Variants in EPHA5 observed in about 807,000 individuals in gnomAD.
EPHA5 encodes the protein ephrin type-A receptor 5.
In EPHA5, 60 loss-of-function variants were observed where a neutral mutation model predicts 105.0. That is an observed-to-expected ratio of 0.57 (90% CI 0.46 to 0.71). The LOEUF is 0.71. Among genes scored for constraint, EPHA5 ranks in the 30% least tolerant of loss-of-function variants. The pLI, the probability that EPHA5 is intolerant of heterozygous loss-of-function variation, is 0.00. For missense variants in EPHA5, 1,218 were observed against 1,274.7 expected, an observed-to-expected ratio of 0.96 and a Z score of 0.68; for synonymous variants, 513 against 449.1, an observed-to-expected ratio of 1.14 and a Z score of -1.80.
chr4:65,491,131 T>C (rs949832837), intron 4 of EPHA5, among the ~76,000 whole-genome samples: 1 of 150,380 alleles, frequency 6.6e-6, no homozygotes, highest in Non-Finnish European at 1.5e-5. Flanking sequence ...GAAACAAGCA[T>C]AGGAAAATAC....
chr4:65,342,650 A>G (rs1206562971), intron 14 of EPHA5, among the ~76,000 whole-genome samples: 1 of 151,840 alleles, frequency 6.6e-6, no homozygotes, highest in African/African-American at 2.4e-5. Context: ...CATATAAGGA[A>G]TATATGTTTA....
intron 3 of EPHA5, among the ~76,000 whole-genome samples, chr4:65,576,564 A>G (rs1467999796): frequency 1.3e-5 from 2 of 152,178 alleles, no homozygotes; most frequent in Non-Finnish European, 2.9e-5. Flanking sequence ...ACTTTAGAGA[A>G]CTTTAGAATG....
At chr4:65,360,971 G>C (rs963302897) in intron 11 of EPHA5, among the ~76,000 whole-genome samples, 1 of 151,622 alleles carries the variant, frequency 6.6e-6, no homozygotes, top group Non-Finnish European at 1.5e-5. Context: ...TAGCATGACA[G>C]AGTATACAGA....
chr4:65,450,154 A>G (rs1334061546), intron 5 of EPHA5, among the ~76,000 whole-genome samples: 2 of 152,200 alleles, frequency 1.3e-5, no homozygotes, highest in African/African-American at 2.4e-5. Context: ...ACTGAAACAC[A>G]TATGCAAACA....
intron 3 of EPHA5, among the ~76,000 whole-genome samples, chr4:65,514,591 C>T (rs981859347): frequency 4.6e-5 from 7 of 152,140 alleles, no homozygotes; most frequent in African/African-American, 1.4e-4. Flanking sequence ...CAGAAATGAG[C>T]TTTTCAATCT....
intron 3 of EPHA5, among the ~76,000 whole-genome samples, chr4:65,518,395 T>G (rs1017716743): frequency 6.6e-6 from 1 of 151,684 alleles, no homozygotes; most frequent in African/African-American, 2.4e-5. Context: ...TTTTGTTTGT[T>G]TGTAAATACA....
chr4:65,642,029 G>A (rs1349854703), intron 2 of EPHA5, among the ~76,000 whole-genome samples: 4 of 152,134 alleles, frequency 2.6e-5, no homozygotes, highest in African/African-American at 9.6e-5. Flanking sequence ...TCATAGATAT[G>A]CTCTTCCAAG....
rs1227119598 is a variant in EPHA5, at chr4:65,669,924, T to C, written c.-182A>G. 7.4e-6 allele frequency: 7 copies of C among 943,574 alleles called. No homozygotes were observed. Among genetic ancestry groups the C allele is most frequent in the Non-Finnish European group, 9.6e-6 (7 of 725,560 alleles). The allele number at this position is 943,574 out of a possible 1,614,324, so 58.5% of individuals were successfully genotyped here. On this transcript the variant is annotated 5_prime_UTR_variant, in exon 1 of 17. Transcript: ENST00000613740. The stretch of plus-strand genomic sequence containing the variant: ...TCCGGCTGAGACAGCTGAAGTTTGC[T>C]TCTGGCTCCTCTCGCCTCCCCCTTT...
intron 3 of EPHA5, among the ~76,000 whole-genome samples, chr4:65,508,311 C>A (rs1375969711): frequency 6.6e-6 from 1 of 152,060 alleles, no homozygotes; most frequent in African/African-American, 2.4e-5. Flanking sequence ...ATAAGTCCAG[C>A]TATGAATCAT....
intron 2 of EPHA5, among the ~76,000 whole-genome samples, chr4:65,629,943 ATGTGCT>A (rs1746479452): frequency 1.3e-5 from 2 of 152,158 alleles, no homozygotes; most frequent in African/African-American, 4.8e-5. Context: ...CAGAAAGGGC[ATGTGCT>A]AAGTGAAGCA....
chr4:65,611,353 T>C (rs1744740030), intron 2 of EPHA5, among the ~76,000 whole-genome samples: 1 of 152,132 alleles, frequency 6.6e-6, no homozygotes, highest in Non-Finnish European at 1.5e-5. Flanking sequence ...TATAGATAGC[T>C]GTAAATTCTG....
chr4:65,604,865 G>T (rs576337460), intron 2 of EPHA5, among the ~76,000 whole-genome samples: 6 of 152,182 alleles, frequency 3.9e-5, no homozygotes, highest in African/African-American at 1.4e-4. Context: ...GCACAGATAG[G>T]AATCAATATT....
chr4:65,647,328 C>CAAAAAAA (rs55995799), intron 1 of EPHA5, among the ~76,000 whole-genome samples: 2 of 70,894 alleles, frequency 2.8e-5, no homozygotes, highest in Non-Finnish European at 5.3e-5. Context: ...GACTCTGTCT[C>CAAAAAAA]AAAAAAAAAA....
chr4:65,579,376 A>AT (rs1491392787), intron 3 of EPHA5, among the ~76,000 whole-genome samples: 134 of 145,954 alleles, frequency 9.2e-4, no homozygotes, highest in African/African-American at 2.4e-3. Flanking sequence ...ATATATATAT[A>AT]AATATATATA....
At chr4:65,349,364 A>T (rs924528365) in intron 13 of EPHA5, among the ~76,000 whole-genome samples, 2 of 152,066 alleles carry the variant, frequency 1.3e-5, no homozygotes, top group Admixed American at 1.3e-4. Context: ...CTCTTAGTTC[A>T]TACAATAAAC....
At chr4:65,522,196 G>T (rs1170019398) in intron 3 of EPHA5, among the ~76,000 whole-genome samples, 2 of 151,586 alleles carry the variant, frequency 1.3e-5, no homozygotes, top group Non-Finnish European at 2.9e-5. Context: ...GGTCTTTTGT[G>T]TCCTAATTCC....
At chr4:65,477,381 G>GA (rs1256573835) in intron 5 of EPHA5, among the ~76,000 whole-genome samples, 2 of 151,858 alleles carry the variant, frequency 1.3e-5, no homozygotes, top group African/African-American at 4.8e-5. Flanking sequence ...GACCTTGGGG[G>GA]AATCACTTCA....
intron 2 of EPHA5, among the ~76,000 whole-genome samples, chr4:65,609,563 C>A (rs6816785): frequency 0.8 from 121,373 of 151,614 alleles, 50,656 homozygotes; most frequent in Non-Finnish European, 0.91. Flanking sequence ...AATTCACAGA[C>A]AATTGAGCAT....
At chr4:65,469,630 A>G (rs1729088994) in intron 5 of EPHA5, among the ~76,000 whole-genome samples, 1 of 152,220 alleles carries the variant, frequency 6.6e-6, no homozygotes. Context: ...AAAGAGGATC[A>G]GATTCAGGAG....
Sources: allele counts gnomAD v4.1 joint callset (sites outside exome capture counted in the v4.1 genomes callset), GRCh38; gene constraint gnomAD v4.1.1; transcripts MANE v1.5; gene names NCBI Gene and HGNC (gene_info 2026-07-23, HGNC 2026-07-21).